Variants in SIMC1 observed in about 807,000 individuals in gnomAD.
SIMC1 encodes SUMO interacting motifs containing 1.
Under a neutral mutation model 82.3 loss-of-function variants are expected in SIMC1, and 55 were observed. The ratio of observed to expected loss-of-function variants is 0.67; its 90% CI spans 0.54 to 0.84. SIMC1 has a LOEUF of 0.84. Ranked by LOEUF, SIMC1 falls within the 40% of genes least tolerant of loss-of-function variation. SIMC1 has a pLI of 0.00. For missense variants in SIMC1, 915 were observed against 1,107.2 expected, an observed-to-expected ratio of 0.83 and a Z score of 2.46; for synonymous variants, 353 against 426.3, an observed-to-expected ratio of 0.83 and a Z score of 2.12.
intron 4 of SIMC1, among the ~76,000 whole-genome samples, chr5:176,305,182 A>G (rs909767836): frequency 3.3e-5 from 1 of 29,860 alleles, no homozygotes; most frequent in Non-Finnish European, 7.0e-5. Context: ...GCCGTCCGGG[A>G]GGGAGGTGGG....
chr5:176,335,272 TC>T (rs1765840449), intron 7 of SIMC1, among the ~76,000 whole-genome samples: 1 of 125,894 alleles, frequency 7.9e-6, no homozygotes. Flanking sequence ...TTTCTTTGTA[TC>T]TTTTTTTTTT....
chr5:176,299,075 G>A (rs1763935082), intron 4 of SIMC1, among the ~76,000 whole-genome samples: 1 of 152,214 alleles, frequency 6.6e-6, no homozygotes, highest in East Asian at 1.9e-4. Flanking sequence ...ATCTACAAGA[G>A]TCCCACTTTA....
chr5:176,320,329 T>TA (rs1765103120), intron 5 of SIMC1, among the ~76,000 whole-genome samples: 1 of 146,204 alleles, frequency 6.8e-6, no homozygotes, highest in Non-Finnish European at 1.5e-5. Context: ...CAAGCCATCC[T>TA]ATTTTATTTA....
intron 1 of SIMC1, among the ~76,000 whole-genome samples, chr5:176,254,146 G>C (rs1010712566): frequency 6.6e-6 from 1 of 152,146 alleles, no homozygotes; most frequent in Non-Finnish European, 1.5e-5. Flanking sequence ...GAGAGCAACA[G>C]TTGTATTAGG....
chr5:176,319,871 T>C, intron 5 of SIMC1, among the ~76,000 whole-genome samples: 1 of 152,174 alleles, frequency 6.6e-6, no homozygotes, highest in East Asian at 1.9e-4. Flanking sequence ...TTTCCATAGA[T>C]GTCTGGTAAA....
chr5:176,291,419 C>A (rs1218588954), intron 2 of SIMC1, among the ~76,000 whole-genome samples: 2 of 150,406 alleles, frequency 1.3e-5, no homozygotes, highest in African/African-American at 2.5e-5. Flanking sequence ...TCACTGCAAG[C>A]TCCGCCTCCC....
chr5:176,335,621 G>A (rs911428855), intron 7 of SIMC1, among the ~76,000 whole-genome samples: 2 of 152,042 alleles, frequency 1.3e-5, no homozygotes, highest in South Asian at 2.1e-4. Context: ...GTAATTCTAC[G>A]TACAGTTCCT....
chr5:176,294,777 AC>A (rs1763730756), intron 2 of SIMC1, among the ~76,000 whole-genome samples: 1 of 151,608 alleles, frequency 6.6e-6, no homozygotes, highest in Non-Finnish European at 1.5e-5. Flanking sequence ...CCTGGCTAAC[AC>A]CGTGAAACCC....
rs751865201 is a variant in SIMC1, at chr5:176,324,673, T to C, written c.2087T>C (p.Val696Ala). 97 of 1,609,788 alleles carry C rather than the reference T, an allele frequency of 6.0e-5. No individual in the cohort carries two copies. Among genetic ancestry groups the C allele is most frequent in the Non-Finnish European group, 5.7e-5 (67 of 1,178,134 alleles). Reference sequence around the variant, plus strand: ...AGGATGCTCTCCATAGCCGTAGAGGTGGACAGGACCCCCACCTGCAGCTCC... The same window carrying C: ...AGGATGCTCTCCATAGCCGTAGAGGCGGACAGGACCCCCACCTGCAGCTCC... ...LQRMLSIAVE[V>A]DRTPTCSSNK... The change falls in exon 7 of 10, where the codon GTG (valine) becomes GCG (alanine). Residue 696 changes from valine (V) to alanine (A), a missense_variant. This residue lies in a region of SIMC1 where 902 missense variants were observed against 1,040.3 expected (regional missense o/e 0.87). Transcript: ENST00000429602.
chr5:176,313,365 A>G (rs1004170935), intron 4 of SIMC1: 16 of 1,519,498 alleles, frequency 1.1e-5, no homozygotes, highest in Middle Eastern at 2.1e-4. Flanking sequence ...CTACAATCCT[A>G]GAGATTCCAG....
At chr5:176,340,431 A>G (rs1262451606) in intron 9 of SIMC1, among the ~76,000 whole-genome samples, 3 of 152,236 alleles carry the variant, frequency 2.0e-5, no homozygotes, top group African/African-American at 7.2e-5. Context: ...TAATATTTCA[A>G]TGAACAAATG....
intron 1 of SIMC1, among the ~76,000 whole-genome samples, chr5:176,251,586 CTT>C (rs1177468716): frequency 7.2e-5 from 10 of 139,814 alleles, no homozygotes; most frequent in Admixed American, 7.1e-5. Flanking sequence ...ATTTTCTTTT[CTT>C]TTTTTTTTTT....
intron 1 of SIMC1, among the ~76,000 whole-genome samples, chr5:176,282,067 G>A (rs1255383807): frequency 6.6e-6 from 1 of 152,274 alleles, no homozygotes; most frequent in Non-Finnish European, 1.5e-5. Flanking sequence ...GCCTCCTTGA[G>A]CTGTGGTGGG....
At chr5:176,321,885 C>CTTTTTTTTTTTTTTT (rs11418187) in intron 5 of SIMC1, among the ~76,000 whole-genome samples, 1 of 90,720 alleles carries the variant, frequency 1.1e-5, no homozygotes, top group Non-Finnish European at 2.0e-5. Flanking sequence ...TTTTAGTTAG[C>CTTTTTTTTTTTTTTT]TTTTTTTTTT....
chr5:176,286,385 G>C (rs989210572), intron 1 of SIMC1, among the ~76,000 whole-genome samples: 3 of 152,284 alleles, frequency 2.0e-5, no homozygotes, highest in Non-Finnish European at 4.4e-5. Flanking sequence ...AAGCAATGGG[G>C]AAAGGATTCC....
intron 5 of SIMC1, among the ~76,000 whole-genome samples, chr5:176,320,031 T>G (rs1211000750): frequency 6.6e-6 from 1 of 152,228 alleles, no homozygotes; most frequent in Non-Finnish European, 1.5e-5. Context: ...TGAGTCAAGG[T>G]CTTTCCTCTT....
At chr5:176,249,864 A>AAAC (rs1761591684) in intron 1 of SIMC1, among the ~76,000 whole-genome samples, 1 of 150,430 alleles carries the variant, frequency 6.6e-6, no homozygotes, top group Admixed American at 6.6e-5. Context: ...AAAAAAAAAA[A>AAAC]CCAGCTCCTG....
chr5:176,251,099 C>A (rs1186024918), intron 1 of SIMC1, among the ~76,000 whole-genome samples: 1 of 152,138 alleles, frequency 6.6e-6, no homozygotes, highest in Non-Finnish European at 1.5e-5. Flanking sequence ...CGGTGGCTCA[C>A]CCCTACAATC....
At chr5:176,285,256 G>A (rs1294653602) in intron 1 of SIMC1, among the ~76,000 whole-genome samples, 9 of 151,262 alleles carry the variant, frequency 5.9e-5, no homozygotes, top group East Asian at 1.9e-4. Context: ...CTGGCAAACC[G>A]AATCCAGCAG....
Sources: allele counts gnomAD v4.1 joint callset (sites outside exome capture counted in the v4.1 genomes callset), GRCh38; gene constraint gnomAD v4.1.1; regional missense constraint gnomAD v4.1.1; transcripts MANE v1.5; gene names NCBI Gene and HGNC (gene_info 2026-07-23, HGNC 2026-07-21).